MAGI2: variants seen among roughly 807,000 people sequenced by gnomAD.
MAGI2 encodes the protein membrane associated guanylate kinase, WW and PDZ domain containing 2, also known as membrane-associated guanylate kinase, WW and PDZ domain-containing protein 2.
Under a neutral mutation model 133.3 loss-of-function variants are expected in MAGI2, and 35 were observed. That is an observed-to-expected ratio of 0.26 (90% CI 0.20 to 0.35). The LOEUF (loss-of-function observed/expected upper bound fraction) is 0.35, where lower values mean the gene tolerates loss of function less well. MAGI2 is among the 10% of genes least tolerant of loss of function. MAGI2 has a pLI of 1.00. For synonymous variants in MAGI2, 729 were observed against 710.6 expected (o/e 1.03, Z -0.41); for missense variants, 1,636 against 1,863.4 (o/e 0.88, Z 2.25).
chr7:79,305,263 A>G (rs1350684147), intron 1 of MAGI2, among the ~76,000 whole-genome samples: 2 of 152,176 alleles, frequency 1.3e-5, no homozygotes, highest in Non-Finnish European at 2.9e-5. Context: ...ATATATGTAT[A>G]TAGTTTTCAG....
At chr7:79,045,273 T>C (rs1219131844) in intron 1 of MAGI2, among the ~76,000 whole-genome samples, 1 of 152,232 alleles carries the variant, frequency 6.6e-6, no homozygotes, top group Non-Finnish European at 1.5e-5. Flanking sequence ...GGAAATATTT[T>C]ACATCTTAAC....
Position 78,256,283 on chromosome 7 carries a change from C to A in MAGI2, c.1707G>T (p.Leu569=), listed in dbSNP as rs1792968102. 1.2e-6 allele frequency: 2 copies of A among 1,613,934 alleles called. No homozygotes were observed. Among genetic ancestry groups the A allele is most frequent in the African/African-American group, 1.3e-5 (1 of 74,910 alleles). The change falls in exon 10 of 22, where the codon CTG becomes CTT. Residue 569 remains leucine (L), a synonymous_variant. Coordinates refer to ENST00000354212, the MANE Select transcript of MAGI2 (RefSeq NM_012301.4). ...GCTGACCATCAGTTGGCATGGAGTGCAGAGAATGAGGCGGCCGATCTGTTA... is the reference window on the plus strand; with the variant it reads ...GCTGACCATCAGTTGGCATGGAGTGAAGAGAATGAGGCGGCCGATCTGTTA... The part of the protein sequence containing the change: ...PDITDRPPHS[L]HSMPTDGQLD...
chr7:78,861,892 A>C (rs1373965031), intron 2 of MAGI2, among the ~76,000 whole-genome samples: 2 of 152,202 alleles, frequency 1.3e-5, no homozygotes, highest in Non-Finnish European at 2.9e-5. Context: ...TCATCTGTTT[A>C]TTCTTAGAAT....
intron 1 of MAGI2, among the ~76,000 whole-genome samples, chr7:79,220,525 T>A (rs1333143121): frequency 3.9e-5 from 6 of 151,940 alleles, no homozygotes; most frequent in African/African-American, 1.2e-4. Flanking sequence ...AAAGCCAGCA[T>A]CCTCCATGCA....
Position 78,657,993 on chromosome 7 carries a change from A to C in MAGI2, c.419-30754T>G, listed in dbSNP as rs1812492230. ...AAAATTAAGTCTATTAAAAAAAAGA[A>C]ATCAAACAACCAATTGGAAAGTGCT... On this transcript the variant is annotated intron_variant, in intron 2 of 21. Coordinates refer to ENST00000354212, the MANE Select transcript of MAGI2 (RefSeq NM_012301.4). 2.0e-5 allele frequency among the ~76,000 whole-genome samples: 3 copies of C among 152,294 alleles called. No homozygotes were observed. The South Asian group carries it at 6.2e-4, about 32-fold the overall frequency.
intron 1 of MAGI2, among the ~76,000 whole-genome samples, chr7:79,089,509 C>G (rs563812595): frequency 6.6e-6 from 1 of 151,990 alleles, no homozygotes; most frequent in African/African-American, 2.4e-5. Flanking sequence ...GCACACGTAT[C>G]TTTATTGCAG....
intron 4 of MAGI2, among the ~76,000 whole-genome samples, chr7:78,505,910 GA>G (rs1795045128): frequency 1.5e-5 from 1 of 68,192 alleles, no homozygotes; most frequent in Non-Finnish European, 2.7e-5. Context: ...ATGAGGGCTG[GA>G]TTAAGTGAGG....
At chr7:78,988,323 A>T (rs139786492) in intron 2 of MAGI2, among the ~76,000 whole-genome samples, 1 of 152,094 alleles carries the variant, frequency 6.6e-6, no homozygotes, top group African/African-American at 2.4e-5. Context: ...GATTATTTTC[A>T]AGAAATTAAA....
intron 3 of MAGI2, among the ~76,000 whole-genome samples, chr7:78,524,596 T>G (rs569325300): frequency 4.6e-5 from 7 of 152,294 alleles, no homozygotes; most frequent in African/African-American, 1.7e-4. Flanking sequence ...GTCGGCAAAG[T>G]GGATAATATA....
chr7:79,308,509 T>G (rs1469133880), intron 1 of MAGI2, among the ~76,000 whole-genome samples: 1 of 152,200 alleles, frequency 6.6e-6, no homozygotes, highest in Non-Finnish European at 1.5e-5. Flanking sequence ...AGAAATTGCC[T>G]GCTGGTGCTG....
chr7:78,139,611 C>G (rs530895689), intron 16 of MAGI2, among the ~76,000 whole-genome samples: 2 of 152,188 alleles, frequency 1.3e-5, no homozygotes, highest in African/African-American at 4.8e-5. Context: ...AGACAGCATG[C>G]CTTGCAGACA....
chr7:78,299,583 G>T (rs956407080), intron 9 of MAGI2, among the ~76,000 whole-genome samples: 1 of 151,970 alleles, frequency 6.6e-6, no homozygotes, highest in Non-Finnish European at 1.5e-5. Flanking sequence ...GATTTTTTTT[G>T]GGGTTGCCAC....
chr7:79,010,007 G>T (rs1009048184), intron 1 of MAGI2, among the ~76,000 whole-genome samples: 48 of 151,770 alleles, frequency 3.2e-4, no homozygotes, highest in African/African-American at 1.2e-3. Context: ...TAATATAGTT[G>T]AACAACTGTA....
At chr7:78,098,580 T>A (rs1817926227) in intron 20 of MAGI2, among the ~76,000 whole-genome samples, 1 of 152,178 alleles carries the variant, frequency 6.6e-6, no homozygotes, top group South Asian at 2.1e-4. Context: ...AAATGTATCC[T>A]TGTGTACATT....
At chr7:78,522,669 T>C (rs1458038602) in intron 3 of MAGI2, among the ~76,000 whole-genome samples, 2 of 152,216 alleles carry the variant, frequency 1.3e-5, no homozygotes, top group Admixed American at 6.5e-5. Flanking sequence ...CATGAGCCAC[T>C]GCATGCGGCT....
intron 3 of MAGI2, among the ~76,000 whole-genome samples, chr7:78,569,318 T>C (rs984902183): frequency 6.6e-6 from 1 of 152,222 alleles, no homozygotes; most frequent in Non-Finnish European, 1.5e-5. Context: ...TCTGAGGGCA[T>C]AGTACATGGT....
chr7:78,522,178 C>T (rs1357005391), intron 3 of MAGI2, among the ~76,000 whole-genome samples: 1 of 152,158 alleles, frequency 6.6e-6, no homozygotes, highest in East Asian at 1.9e-4. Context: ...CCCATGGCTG[C>T]TGACAGTGCG....
At chr7:78,878,334 T>C (rs1795585352) in intron 2 of MAGI2, among the ~76,000 whole-genome samples, 1 of 152,198 alleles carries the variant, frequency 6.6e-6, no homozygotes. Context: ...TGCGTTTTCA[T>C]TTTACACTGG....
chr7:78,574,097 T>G (rs1250001182), intron 3 of MAGI2, among the ~76,000 whole-genome samples: 1 of 152,190 alleles, frequency 6.6e-6, no homozygotes, highest in Non-Finnish European at 1.5e-5. Flanking sequence ...TGGATATATA[T>G]GGTGGACATG....
Sources: gnomAD v4.1 joint callset for allele counts (sites outside exome capture counted in the v4.1 genomes callset) on GRCh38, gnomAD v4.1.1 for gene constraint, MANE v1.5 for transcripts, NCBI Gene and HGNC (gene_info 2026-07-23, HGNC 2026-07-21) for gene names.